MTA3: variants seen among roughly 807,000 people sequenced by gnomAD.
MTA3 encodes the protein metastasis-associated protein MTA3.
Under a neutral mutation model 83.5 loss-of-function variants are expected in MTA3, and 34 were observed. That is an observed-to-expected ratio of 0.41 (90% confidence interval 0.31 to 0.54). The LOEUF (loss-of-function observed/expected upper bound fraction) is 0.54. MTA3 is among the 20% of genes least tolerant of loss of function. The probability of loss-of-function intolerance (pLI) is 0.33; values close to 1 mark genes in which losing one functional copy is unlikely to be tolerated. For missense variants in MTA3, 761 were observed against 726.4 expected, an observed-to-expected ratio of 1.05 and a Z score of -0.55; for synonymous variants, 303 against 252.7, an observed-to-expected ratio of 1.20 and a Z score of -1.89.
At chr2:42,750,711 A>G (rs1558643379) in intron 16 of MTA3, among the ~76,000 whole-genome samples, 1 of 152,160 alleles carries the variant, frequency 6.6e-6, no homozygotes. Context: ...ACATAGGTTC[A>G]CTTGATCTCT....
chr2:42,554,217 G>C (rs1677272562), intron 2 of MTA3, among the ~76,000 whole-genome samples: 1 of 152,126 alleles, frequency 6.6e-6, no homozygotes, highest in Non-Finnish European at 1.5e-5. Context: ...CTGGGCGACA[G>C]AGCAAGACTC....
At chr2:42,591,545 G>T (rs1454093737) in intron 3 of MTA3, among the ~76,000 whole-genome samples, 1 of 152,044 alleles carries the variant, frequency 6.6e-6, no homozygotes, top group African/African-American at 2.4e-5. Context: ...TTTGACTCTT[G>T]TAATAACAAC....
Position 42,690,252 on chromosome 2 carries a change from C to T in MTA3, c.892-5513C>T, listed in dbSNP as rs368819443. On this transcript the variant is annotated intron_variant, in intron 9 of 16. Coordinates refer to ENST00000405094, the MANE Select transcript of MTA3 (RefSeq NM_001330442.2). The stretch of plus-strand genomic sequence containing the variant: ...ATATAAGCACTTAATGGCAGTACAA[C>T]GATGAATTCAGCTTTGCTTGAAAAA... Among the ~76,000 whole-genome samples the T allele has an allele frequency of 5.3e-5, 8 of 152,272 alleles. No individual in the cohort carries two copies. In the East Asian group the frequency reaches 9.6e-4, roughly 18 times the overall value.
At chr2:42,547,620 C>T (rs1279756327) in intron 2 of MTA3, among the ~76,000 whole-genome samples, 2 of 152,230 alleles carry the variant, frequency 1.3e-5, no homozygotes, top group Non-Finnish European at 2.9e-5. Context: ...CGTCAACCCC[C>T]GCGCCTGGAG....
intron 15 of MTA3, 118 bp from the exon 16 acceptor site, chr2:42,722,771 C>G (rs1055354304): frequency 7.4e-6 from 9 of 1,213,908 alleles, no homozygotes; most frequent in East Asian, 5.1e-5. Context: ...TTGGCTGGCT[C>G]AGGAGGAACT....
chr2:42,700,754 G>A (rs540610571), intron 11 of MTA3, among the ~76,000 whole-genome samples: 3 of 152,238 alleles, frequency 2.0e-5, no homozygotes, highest in Admixed American at 2.0e-4. Context: ...TTTTCACTTA[G>A]TATAGTGTCA....
chr2:42,662,645 T>C (rs1689827174), intron 8 of MTA3, among the ~76,000 whole-genome samples: 1 of 152,008 alleles, frequency 6.6e-6, no homozygotes, highest in Non-Finnish European at 1.5e-5. Flanking sequence ...TACATTTTGA[T>C]AACTAAGTCT....
intron 3 of MTA3, among the ~76,000 whole-genome samples, chr2:42,583,678 G>A (rs2103892592): frequency 6.6e-6 from 1 of 152,170 alleles, no homozygotes. Flanking sequence ...ACACGCGCAT[G>A]CCACCATGCC....
chr2:42,602,925 A>T (rs1216830585), intron 3 of MTA3, among the ~76,000 whole-genome samples: 1 of 152,112 alleles, frequency 6.6e-6, no homozygotes, highest in East Asian at 1.9e-4. Context: ...TGGCTCATCA[A>T]GCTACATGAC....
chr2:42,704,239 T>G lies in MTA3; in HGVS notation c.1071T>G (p.Pro357=), dbSNP rs756390777. ...PNQISTSNGK[P]GAVNGAVGTT... ...AAATATCCACTAGTAATGGGAAGCC[T>G]GGTGCTGTGAATGGAGCTGTGGGGA... Residue 357 remains proline, a synonymous_variant, in exon 12 of 17, where the codon CCT becomes CCG. Coordinates refer to ENST00000405094, the MANE Select transcript of MTA3 (RefSeq NM_001330442.2). The G allele has an allele frequency of 6.2e-7, 1 of 1,613,942 alleles. No homozygotes were observed. Among genetic ancestry groups the G allele is most frequent in the Non-Finnish European group, 8.5e-7 (1 of 1,179,844 alleles).
At chr2:42,561,499 T>G (rs1472274888) in intron 2 of MTA3, among the ~76,000 whole-genome samples, 2 of 152,056 alleles carry the variant, frequency 1.3e-5, no homozygotes, top group Admixed American at 6.6e-5. Flanking sequence ...ATTTTTGTAT[T>G]TTTAGTAGAG....
chr2:42,547,426 C>G (rs1370321638), intron 2 of MTA3, among the ~76,000 whole-genome samples: 1 of 152,274 alleles, frequency 6.6e-6, no homozygotes, highest in Non-Finnish European at 1.5e-5. Context: ...CTCCTGGGTT[C>G]AAGCGATTCT....
At chr2:42,695,007 G>T (rs1240008491) in intron 9 of MTA3, among the ~76,000 whole-genome samples, 2 of 152,110 alleles carry the variant, frequency 1.3e-5, no homozygotes, top group African/African-American at 4.8e-5. Flanking sequence ...CGGGCATGGT[G>T]TCACACCTAT....
At chr2:42,664,040 C>A (rs1029359905) in intron 8 of MTA3, among the ~76,000 whole-genome samples, 1 of 152,118 alleles carries the variant, frequency 6.6e-6, no homozygotes. Flanking sequence ...GCACTTGATT[C>A]CTCCTGAGTA....
chr2:42,729,086 GTTTTTTTTTTTTTTTTT>G (rs1216600680), intron 16 of MTA3, among the ~76,000 whole-genome samples: 1,421 of 60,172 alleles, frequency 0.024, 44 homozygotes, highest in African/African-American at 0.085. Context: ...CACAGTTTGA[GTTTTTTTTTTTTTTTTT>G]TTTTTTTTTT....
At chr2:42,586,477 A>AACAC (rs573814961) in intron 3 of MTA3, among the ~76,000 whole-genome samples, 10,030 of 72,624 alleles carry the variant, frequency 0.14, 1,234 homozygotes, top group Middle Eastern at 0.2. Flanking sequence ...AAGGAAGGAA[A>AACAC]ACACACACAC....
At chr2:42,701,684 G>A (rs1159702594) in intron 11 of MTA3, among the ~76,000 whole-genome samples, 1 of 152,210 alleles carries the variant, frequency 6.6e-6, no homozygotes, top group African/African-American at 2.4e-5. Flanking sequence ...GGGAGGCCGA[G>A]GTGGGTGGAT....
At position 42,644,157 on chromosome 2, in the gene MTA3, C is replaced by T; in HGVS notation, c.412C>T (p.Pro138Ser). 3.1e-6 allele frequency: 5 copies of T among 1,608,864 alleles called. No homozygotes were observed. The highest frequency in any genetic ancestry group is 4.2e-6 in the Non-Finnish European group (5 of 1,177,190). ...CTTCTTCTACTCATTGGTCTATGAC[C>T]CCTCATTGAAAACACTATTAGCTGA... ...DTFFYSLVYD[P>S]SLKTLLADKG... is the part of the protein sequence containing the mutation. The change falls in exon 6 of 17, where the codon CCC becomes TCC. Residue 138 changes from proline (P) to serine (S), a missense_variant. Pro to Ser is a moderately conservative substitution (Grantham distance 74, BLOSUM62 -1). Transcript: ENST00000405094.
chr2:42,527,622 T>C (rs1675776248), intron 2 of MTA3, among the ~76,000 whole-genome samples: 1 of 152,150 alleles, frequency 6.6e-6, no homozygotes, highest in South Asian at 2.1e-4. Context: ...TGACCAGTAC[T>C]CCTCAAAAGT....
Sources: gnomAD v4.1 joint callset for allele counts (sites outside exome capture counted in the v4.1 genomes callset) on GRCh38, gnomAD v4.1.1 for gene constraint, MANE v1.5 for transcripts, NCBI Gene and HGNC (gene_info 2026-07-23, HGNC 2026-07-21) for gene names.